CDC14B: variants seen among roughly 807,000 people sequenced by gnomAD.
The protein encoded by CDC14B is cell division cycle 14B, also known as dual specificity protein phosphatase CDC14B.
Under a neutral mutation model 64.2 loss-of-function variants are expected in CDC14B, and 22 were observed. That is an observed-to-expected ratio of 0.34 (90% CI 0.24 to 0.49). The LOEUF (loss-of-function observed/expected upper bound fraction) is 0.49. Among genes scored for constraint, CDC14B ranks in the 20% least tolerant of loss-of-function variants. The pLI is 0.99. For synonymous variants in CDC14B, 191 were observed against 215.8 expected (o/e 0.89, Z 1.01); for missense variants, 498 against 629.9 (o/e 0.79, Z 2.24).
At chr9:96,584,059 G>C (rs1845329216) in intron 1 of CDC14B, among the ~76,000 whole-genome samples, 2 of 152,166 alleles carry the variant, frequency 1.3e-5, no homozygotes, top group African/African-American at 2.4e-5. Context: ...CTATAAGCAT[G>C]ACAAACCCTA....
intron 13 of CDC14B, 48 bp from the exon 14 acceptor site, chr9:96,503,837 C>A: frequency 6.8e-7 from 1 of 1,469,954 alleles, no homozygotes; most frequent in South Asian, 1.2e-5. Context: ...TACACAGCGT[C>A]CACAGGCAGT....
At chr9:96,526,261 G>A (rs544695323) in intron 9 of CDC14B, among the ~76,000 whole-genome samples, 75 of 152,228 alleles carry the variant, frequency 4.9e-4, no homozygotes, top group South Asian at 1.0e-3. Context: ...CCAGCTACTC[G>A]GGAGGCTGAG....
At position 96,523,268 on chromosome 9, in the gene CDC14B, G is replaced by T; in HGVS notation, c.1238C>A (p.Pro413His). The change falls in exon 11 of 14, where the codon CCC becomes CAC. Residue 413 changes from proline (P) to histidine (H), a missense_variant. Transcript: ENST00000375241. ...NGVENQDQQE[P>H]EPYSDDDEIN... ...CAGAAACGGCTTGATTACCGGTTCG[G>T]GTTCTTGCTGATCTTGATTCTCGAC... The T allele has an allele frequency of 6.2e-7, 1 of 1,613,934 alleles. No homozygotes were observed. Among genetic ancestry groups the T allele is most frequent in the Non-Finnish European group, 8.5e-7 (1 of 1,179,918 alleles).
chr9:96,579,921 GT>G (rs894357311), intron 1 of CDC14B, among the ~76,000 whole-genome samples: 55 of 149,366 alleles, frequency 3.7e-4, no homozygotes, highest in African/African-American at 7.4e-4. Context: ...AACTCTAAAA[GT>G]TTTTTTTTTA....
At chr9:96,571,772 G>C (rs1021238334) in intron 1 of CDC14B, among the ~76,000 whole-genome samples, 1 of 152,052 alleles carries the variant, frequency 6.6e-6, no homozygotes. Flanking sequence ...GAGTCTCTTT[G>C]ATGTTTTCCT....
In CDC14B at chr9:96,553,845, T is replaced by C. The variant is rs142190081; in HGVS notation, c.421-1973A>G. Among the ~76,000 whole-genome samples the C allele has an allele frequency of 2.5e-3, 382 of 152,108 alleles. 2 individuals are homozygous for C. Among genetic ancestry groups the C allele is most frequent in the African/African-American group, 8.7e-3 (362 of 41,500 alleles). ...TTCTCCATTCTATTTTAAGACTTCC[T>C]AGCAGATTAAAAAAAAACAAAAAAC... is the stretch of plus-strand genomic sequence containing the variant. On this transcript the variant is annotated intron_variant, in intron 4 of 13. Transcript: ENST00000375241.
chr9:96,596,600 C>T (rs145721619), intron 1 of CDC14B, among the ~76,000 whole-genome samples: 60 of 152,202 alleles, frequency 3.9e-4, no homozygotes, highest in Non-Finnish European at 7.5e-4. Flanking sequence ...GTGGCTCACT[C>T]CTACAATCCC....
At position 96,523,269 on chromosome 9, in the gene CDC14B, G is replaced by C; in HGVS notation, c.1237C>G (p.Pro413Ala). The change falls in exon 11 of 14, where the codon CCC becomes GCC. Residue 413 changes from proline to alanine, a missense_variant. Physicochemically the swap from Pro to Ala is conservative, Grantham distance 27. Transcript: ENST00000375241. ...AGAAACGGCTTGATTACCGGTTCGG[G>C]TTCTTGCTGATCTTGATTCTCGACC... ...NGVENQDQQE[P>A]EPYSDDDEIN... 1 of 1,613,962 alleles carries C rather than the reference G, an allele frequency of 6.2e-7. No homozygotes were observed. The highest frequency in any genetic ancestry group is 8.5e-7 in the Non-Finnish European group (1 of 1,179,914).
chr9:96,591,723 G>A (rs1352488995), intron 1 of CDC14B, among the ~76,000 whole-genome samples: 2 of 151,920 alleles, frequency 1.3e-5, no homozygotes, highest in Admixed American at 1.3e-4. Context: ...GCAACAAGAT[G>A]TCTTTCCATT....
Position 96,604,342 on chromosome 9 carries a change from T to TTTATTA in CDC14B, c.160+14871_160+14876dup, listed in dbSNP as rs148185898. Among the ~76,000 whole-genome samples the TTTATTA allele has an allele frequency of 8.0e-3, 1,057 of 131,818 alleles. 13 individuals carry two copies. The highest frequency in any genetic ancestry group is 9.8e-3 in the East Asian group (46 of 4,686). The allele number at this position is 131,818 out of a possible 152,430, so 86.5% of individuals were successfully genotyped here. On this transcript the variant is annotated intron_variant, in intron 1 of 13. Transcript: ENST00000375241. ...TTGAAAAGGCCTCGTGAAGCTTGCA[T>TTTATTA]TTATTATTATTATTATTATTATTAT... is the stretch of plus-strand genomic sequence containing the variant.
At chr9:96,551,111 C>CTTTTTTTTGTTTTTTTTTTTTTTTTTTTT (rs1841749410) in intron 5 of CDC14B, among the ~76,000 whole-genome samples, 1 of 93,296 alleles carries the variant, frequency 1.1e-5, no homozygotes, top group Non-Finnish European at 2.0e-5. Flanking sequence ...TTGGGGTTTG[C>CTTTTTTTTGTTTTTTTTTTTTTTTTTTTT]TTTTTTTTTT....
chr9:96,570,719 C>T (rs533561184), intron 1 of CDC14B, among the ~76,000 whole-genome samples: 29 of 152,310 alleles, frequency 1.9e-4, no homozygotes, highest in African/African-American at 6.5e-4. Flanking sequence ...TGATAACCAA[C>T]GATGATGGAG....
At chr9:96,573,638 C>T (rs1427180053) in intron 1 of CDC14B, among the ~76,000 whole-genome samples, 1 of 151,948 alleles carries the variant, frequency 6.6e-6, no homozygotes, top group African/African-American at 2.4e-5. Context: ...AAATTACATG[C>T]TAATAAAGGA....
At chr9:96,494,822 G>A (rs1172690287) in intron 13 of CDC14B, among the ~76,000 whole-genome samples, 1 of 90,082 alleles carries the variant, frequency 1.1e-5, no homozygotes, top group Non-Finnish European at 2.1e-5. Flanking sequence ...GTCCCATCCC[G>A]TCTCCCCTCC....
chr9:96,542,766 T>C (rs1840251613), intron 5 of CDC14B, among the ~76,000 whole-genome samples: 1 of 151,902 alleles, frequency 6.6e-6, no homozygotes, highest in East Asian at 1.9e-4. Context: ...ATCCCAGCAC[T>C]TAGGGAGGCC....
At chr9:96,584,666 T>C (rs1234364265) in intron 1 of CDC14B, among the ~76,000 whole-genome samples, 4 of 152,218 alleles carry the variant, frequency 2.6e-5, no homozygotes, top group African/African-American at 9.6e-5. Flanking sequence ...TATTTATTTA[T>C]TTTTTGTGAC....
chr9:96,538,963 T>A, intron 7 of CDC14B, 115 bp downstream of exon 7: 1 of 709,132 alleles, frequency 1.4e-6, no homozygotes, highest in South Asian at 1.6e-5. Flanking sequence ...TATACATATA[T>A]CAAAACATTA....
chr9:96,596,863 TAA>T (rs79431845), intron 1 of CDC14B, among the ~76,000 whole-genome samples: 18 of 132,512 alleles, frequency 1.4e-4, no homozygotes, highest in Admixed American at 1.5e-4. Context: ...TCTCTATCTT[TAA>T]AAAAAAAAAA....
intron 7 of CDC14B, among the ~76,000 whole-genome samples, chr9:96,535,846 G>A (rs1279438090): frequency 6.6e-6 from 1 of 152,134 alleles, no homozygotes; most frequent in East Asian, 1.9e-4. Flanking sequence ...GGCTGAGGCA[G>A]AAGGATCACT....
Sources: gnomAD v4.1 joint callset for allele counts (sites outside exome capture counted in the v4.1 genomes callset) on GRCh38, gnomAD v4.1.1 for gene constraint, MANE v1.5 for transcripts, NCBI Gene and HGNC (gene_info 2026-07-23, HGNC 2026-07-21) for gene names.